The following ADCY2 variants were observed in gnomAD, a reference collection of about 807,000 sequenced individuals.
ADCY2 encodes the protein adenylate cyclase type 2.
A neutral mutation model predicts 125.2 loss-of-function variants in ADCY2; 31 were observed. That is an observed-to-expected ratio of 0.25 (90% confidence interval 0.19 to 0.33). ADCY2 has a LOEUF of 0.33. ADCY2 is among the 10% of genes least tolerant of loss of function. The pLI, the probability that ADCY2 is intolerant of heterozygous loss-of-function variation, is 1.00. For missense variants in ADCY2, 904 were observed against 1,418.2 expected (o/e 0.64, Z 5.82); for synonymous variants, 512 against 548.4 (o/e 0.93, Z 0.93).
At chr5:7,548,774 A>G (rs149659432) in intron 3 of ADCY2, among the ~76,000 whole-genome samples, 1 of 152,340 alleles carries the variant, frequency 6.6e-6, no homozygotes, top group African/African-American at 2.4e-5. Context: ...GGCCCTGAAG[A>G]ATCTTCTTGG....
intron 1 of ADCY2, among the ~76,000 whole-genome samples, chr5:7,409,052 A>G (rs1266281672): frequency 6.6e-6 from 1 of 152,250 alleles, no homozygotes; most frequent in Non-Finnish European, 1.5e-5. Flanking sequence ...TGCAGCCATG[A>G]AAAACAACAA....
At chr5:7,780,957 G>A (rs1201204117) in intron 18 of ADCY2, among the ~76,000 whole-genome samples, 11 of 152,226 alleles carry the variant, frequency 7.2e-5, no homozygotes, top group Non-Finnish European at 1.3e-4. Flanking sequence ...AACGGCAGAC[G>A]CCTGTGCGGC....
chr5:7,548,350 G>A lies in ADCY2; in HGVS notation c.570+27451G>A, dbSNP rs181721813. On this transcript the variant is annotated intron_variant, in intron 3 of 24. Transcript: ENST00000338316. ...TATAGATAATATATAAATTTATGTT[G>A]TAAATTGTGTGTATATATAGGAGTG... Among the ~76,000 whole-genome samples, 1,206 of 151,830 alleles carry A rather than the reference G, an allele frequency of 7.9e-3. 11 individuals are homozygous for A. The highest frequency in any genetic ancestry group is 0.027 in the African/African-American group (1,131 of 41,428).
At chr5:7,432,887 G>A (rs959661860) in intron 2 of ADCY2, among the ~76,000 whole-genome samples, 1 of 25,314 alleles carries the variant, frequency 4.0e-5, no homozygotes, top group African/African-American at 2.2e-4. Flanking sequence ...TCATCAAATT[G>A]TACAATTTCA....
intron 4 of ADCY2, among the ~76,000 whole-genome samples, chr5:7,677,806 G>C (rs1740184396): frequency 6.6e-6 from 1 of 152,208 alleles, no homozygotes; most frequent in Admixed American, 6.5e-5. Flanking sequence ...TAGTTTTGGG[G>C]TGATTTGTTT....
intron 2 of ADCY2, among the ~76,000 whole-genome samples, chr5:7,516,177 T>C (rs552236417): frequency 7.6e-4 from 116 of 152,260 alleles, no homozygotes; most frequent in African/African-American, 2.6e-3. Flanking sequence ...GAGTCAAAGA[T>C]GGTGCACCCA....
intron 14 of ADCY2, among the ~76,000 whole-genome samples, chr5:7,734,473 C>T (rs889947656): frequency 1.3e-5 from 2 of 152,136 alleles, no homozygotes; most frequent in Non-Finnish European, 2.9e-5. Context: ...GAATAAAGCA[C>T]CAAAGTCAAA....
chr5:7,826,815 T>C lies in ADCY2; in HGVS notation c.3220T>C (p.Tyr1074His). The stretch of plus-strand genomic sequence containing the variant: ...GAAAGGAAAGGGGGACCTGAAGACG[T>C]ACTTTGTAAACACAGAAATGTCAAG... ...NVKGKGDLKTYFVNTEMSRSL... is the reference protein window; with the variant it reads ...NVKGKGDLKTHFVNTEMSRSL... Residue 1074 changes from tyrosine (Y) to histidine (H), a missense_variant, in exon 25 of 25, where the codon TAC becomes CAC. Coordinates refer to ENST00000338316, the MANE Select transcript of ADCY2 (RefSeq NM_020546.3). 6.2e-7 allele frequency: 1 copy of C among 1,614,160 alleles called. No homozygotes were observed. Among genetic ancestry groups the C allele is most frequent in the Non-Finnish European group, 8.5e-7 (1 of 1,180,028 alleles).
chr5:7,601,051 G>A (rs950457129), intron 3 of ADCY2, among the ~76,000 whole-genome samples: 8 of 152,206 alleles, frequency 5.3e-5, no homozygotes, highest in African/African-American at 1.9e-4. Context: ...CTTGGAAGCT[G>A]GTACCATAGA....
chr5:7,516,049 T>C (rs1744242600), intron 2 of ADCY2, among the ~76,000 whole-genome samples: 1 of 152,078 alleles, frequency 6.6e-6, no homozygotes. Flanking sequence ...TAGAATGCTA[T>C]CTGGATTAGA....
intron 5 of ADCY2, among the ~76,000 whole-genome samples, chr5:7,693,836 A>G (rs1740801881): frequency 6.6e-6 from 1 of 152,182 alleles, no homozygotes; most frequent in African/African-American, 2.4e-5. Flanking sequence ...TGAGCACAAG[A>G]AGCACTGTGG....
At chr5:7,439,426 C>T (rs1469413536) in intron 2 of ADCY2, among the ~76,000 whole-genome samples, 1 of 151,946 alleles carries the variant, frequency 6.6e-6, no homozygotes, top group Non-Finnish European at 1.5e-5. Flanking sequence ...GGGGAGACCA[C>T]CCCCTGATTA....
chr5:7,773,417 C>A (rs1743618525), intron 18 of ADCY2, among the ~76,000 whole-genome samples: 1 of 152,080 alleles, frequency 6.6e-6, no homozygotes, highest in South Asian at 2.1e-4. Context: ...CTAAATAATT[C>A]TCTGTTGCGG....
At chr5:7,520,084 T>G in intron 2 of ADCY2, among the ~76,000 whole-genome samples, 1 of 152,204 alleles carries the variant, frequency 6.6e-6, no homozygotes, top group East Asian at 1.9e-4. Context: ...CACCTTGGGG[T>G]TGTTTGCTAG....
At chr5:7,755,647 A>G (rs1038621610) in intron 15 of ADCY2, among the ~76,000 whole-genome samples, 5 of 152,156 alleles carry the variant, frequency 3.3e-5, no homozygotes, top group Non-Finnish European at 7.4e-5. Flanking sequence ...TTCAGAGAGG[A>G]AGAAACTGGG....
At chr5:7,781,114 C>G (rs913366670) in intron 18 of ADCY2, among the ~76,000 whole-genome samples, 3 of 152,164 alleles carry the variant, frequency 2.0e-5, no homozygotes, top group Non-Finnish European at 4.4e-5. Context: ...TACTTCATAA[C>G]TCAATGACGG....
At chr5:7,817,721 G>A (rs557663659) in intron 23 of ADCY2, among the ~76,000 whole-genome samples, 1 of 150,650 alleles carries the variant, frequency 6.6e-6, no homozygotes, top group South Asian at 2.1e-4. Context: ...TACTTTGGAG[G>A]CTGAGGCGGA....
intron 5 of ADCY2, chr5:7,692,253 A>G (rs898650688): frequency 2.6e-5 from 4 of 152,206 alleles, no homozygotes; most frequent in African/African-American, 9.6e-5. Context: ...AAGAGAAACA[A>G]ATTTAACCGT....
intron 4 of ADCY2, among the ~76,000 whole-genome samples, chr5:7,679,237 G>A (rs1269558200): frequency 6.6e-6 from 1 of 152,176 alleles, no homozygotes; most frequent in East Asian, 1.9e-4. Context: ...GGACTGGGTG[G>A]AAATGACGTG....
Sources: allele counts gnomAD v4.1 joint callset (sites outside exome capture counted in the v4.1 genomes callset), GRCh38; gene constraint gnomAD v4.1.1; transcripts MANE v1.5; gene names NCBI Gene and HGNC (gene_info 2026-07-23, HGNC 2026-07-21).